ARB2A: variants seen among roughly 807,000 people sequenced by gnomAD.
ARB2A encodes the protein ARB2 cotranscriptional regulator A, also known as cotranscriptional regulator ARB2A.
chr5:93,897,490 T>C, the ARB2A span, among the ~76,000 whole-genome samples: 1 of 151,906 alleles, frequency 6.6e-6, no homozygotes, highest in African/African-American at 2.4e-5. Flanking sequence ...TAATTGATGC[T>C]CCCAATAAAT....
the ARB2A span, among the ~76,000 whole-genome samples, chr5:93,653,684 T>A: frequency 2.0e-5 from 3 of 152,138 alleles, no homozygotes; most frequent in Non-Finnish European, 2.9e-5. Flanking sequence ...TACTGGAGCA[T>A]CTTGGCACTA....
chr5:94,077,232 G>A, the ARB2A span, among the ~76,000 whole-genome samples: 1 of 152,020 alleles, frequency 6.6e-6, no homozygotes, highest in South Asian at 2.1e-4. Context: ...AATCAGCCGA[G>A]TGTGGTGGCA....
At chr5:93,678,530 T>A in the ARB2A span, among the ~76,000 whole-genome samples, 4 of 151,908 alleles carry the variant, frequency 2.6e-5, no homozygotes, top group African/African-American at 9.7e-5. Context: ...CCGAGGTGGG[T>A]GGATCACTTG....
chr5:93,708,093 A>G, the ARB2A span, among the ~76,000 whole-genome samples: 1 of 152,110 alleles, frequency 6.6e-6, no homozygotes, highest in South Asian at 2.1e-4. Flanking sequence ...TTCCCTGTAC[A>G]TGTATTTTTT....
At chr5:93,647,141 T>C in the ARB2A span, among the ~76,000 whole-genome samples, 1 of 152,234 alleles carries the variant, frequency 6.6e-6, no homozygotes, top group Non-Finnish European at 1.5e-5. Context: ...TATTTTTTAC[T>C]CTACCATTTG....
the ARB2A span, among the ~76,000 whole-genome samples, chr5:94,075,032 T>C: frequency 3.9e-5 from 6 of 152,114 alleles, no homozygotes; most frequent in Non-Finnish European, 8.8e-5. Flanking sequence ...ACACAATACC[T>C]TATACATTAC....
chr5:94,037,068 T>TA, the ARB2A span, among the ~76,000 whole-genome samples: 1 of 152,178 alleles, frequency 6.6e-6, no homozygotes, highest in African/African-American at 2.4e-5. Flanking sequence ...TAACATAAAA[T>TA]ATATTTCCAT....
the ARB2A span, among the ~76,000 whole-genome samples, chr5:94,044,952 T>C: frequency 6.6e-6 from 1 of 151,618 alleles, no homozygotes; most frequent in African/African-American, 2.4e-5. Context: ...ACCCCATCTC[T>C]ACTAAAAAAT....
the ARB2A span, among the ~76,000 whole-genome samples, chr5:93,849,466 T>TAC: frequency 1.8e-4 from 27 of 151,472 alleles, no homozygotes; most frequent in Non-Finnish European, 2.8e-4. Flanking sequence ...TCAGGAAGAA[T>TAC]ACACACACAC....
chr5:93,921,259 A>G, the ARB2A span, among the ~76,000 whole-genome samples: 1 of 151,868 alleles, frequency 6.6e-6, no homozygotes, highest in African/African-American at 2.4e-5. Context: ...TTCATCTCAT[A>G]TTGAAAATGC....
At chr5:93,770,557 C>T in the ARB2A span, among the ~76,000 whole-genome samples, 72 of 151,966 alleles carry the variant, frequency 4.7e-4, no homozygotes, top group Non-Finnish European at 8.5e-4. Context: ...TCTAGAAAAC[C>T]CCATTGTCTC....
chr5:93,805,402 C>A, the ARB2A span: 1 of 984,950 alleles, frequency 1.0e-6, no homozygotes, highest in Non-Finnish European at 1.2e-6. Context: ...ACAGCAAAAC[C>A]CCCGTTTCCC....
At chr5:93,669,892 G>A in the ARB2A span, among the ~76,000 whole-genome samples, 4 of 152,068 alleles carry the variant, frequency 2.6e-5, no homozygotes, top group Admixed American at 1.3e-4. Flanking sequence ...TTCTTATCCT[G>A]AAACTTCTCT....
the ARB2A span, chr5:93,620,190 A>G: frequency 2.0e-5 from 3 of 152,204 alleles, no homozygotes; most frequent in African/African-American, 7.2e-5. Context: ...TGAAAATGGG[A>G]CCTTCACACC....
At chr5:93,744,156 GCCAGGCACGGTGGCTCACA>G in the ARB2A span, among the ~76,000 whole-genome samples, 1 of 152,066 alleles carries the variant, frequency 6.6e-6, no homozygotes, top group East Asian at 1.9e-4. Context: ...AGTAACCTTG[GCCAGGCACGGTGGCTCACA>G]CCTGTAATGC....
At chr5:93,959,022 C>T in the ARB2A span, 2 of 1,236,184 alleles carry the variant, frequency 1.6e-6, no homozygotes, top group Non-Finnish European at 2.2e-6. Context: ...CAGGCATACA[C>T]ATAAATGAAA....
the ARB2A span, among the ~76,000 whole-genome samples, chr5:93,986,664 G>A: frequency 6.6e-6 from 1 of 152,210 alleles, no homozygotes; most frequent in Admixed American, 6.5e-5. Flanking sequence ...ATTTTGTTCT[G>A]TACTAAGAAA....
chr5:93,810,638 G>A, the ARB2A span, among the ~76,000 whole-genome samples: 7 of 151,958 alleles, frequency 4.6e-5, no homozygotes, highest in African/African-American at 1.5e-4. Flanking sequence ...GAACTCCTGG[G>A]CTGAACTGAT....
At chr5:94,047,086 AG>A in the ARB2A span, among the ~76,000 whole-genome samples, 1 of 152,150 alleles carries the variant, frequency 6.6e-6, no homozygotes, top group Non-Finnish European at 1.5e-5. Context: ...TGTTGTACTG[AG>A]TTTTATGTTA....
Sources: gnomAD v4.1 joint callset for allele counts (sites outside exome capture counted in the v4.1 genomes callset) on GRCh38, gnomAD v4.1.1 for gene constraint, MANE v1.5 for transcripts, NCBI Gene and HGNC (gene_info 2026-07-23, HGNC 2026-07-21) for gene names.